The following CEP76 variants were observed in gnomAD, a reference collection of about 807,000 sequenced individuals.
The protein encoded by CEP76 is centrosomal protein 76, also known as centrosomal protein of 76 kDa.
Under a neutral mutation model 83.3 loss-of-function variants are expected in CEP76, and 55 were observed. The ratio of observed to expected loss-of-function variants is 0.66; its 90% CI spans 0.53 to 0.83. The LOEUF is 0.83. Among genes scored for constraint, CEP76 ranks in the 40% least tolerant of loss-of-function variants. The probability of loss-of-function intolerance (pLI) is 0.00; values close to 1 mark genes in which losing one functional copy is unlikely to be tolerated. For missense variants in CEP76, 694 were observed against 799.5 expected, an observed-to-expected ratio of 0.87 and a Z score of 1.59; for synonymous variants, 270 against 274.5, an observed-to-expected ratio of 0.98 and a Z score of 0.16.
chr18:12,673,099 C>A lies in CEP76; in HGVS notation c.*266G>T. The A allele has an allele frequency of 9.7e-7, 1 of 1,030,962 alleles. No individual in the cohort carries two copies. Among genetic ancestry groups the A allele is most frequent in the Non-Finnish European group, 1.2e-6 (1 of 841,554 alleles). 63.9% of individuals were successfully genotyped at this position (1,030,962 alleles called of 1,614,324 possible). A position where few individuals can be genotyped will look rare whatever the true frequency, so the allele number is the denominator to read the frequency against. ...ATATTAATATTTAAACTACTGATAACTGTAAACAAAGTAGCATTTATTAAA... is the reference window on the plus strand; with the variant it reads ...ATATTAATATTTAAACTACTGATAAATGTAAACAAAGTAGCATTTATTAAA... On this transcript the variant is annotated 3_prime_UTR_variant, in exon 12 of 12. Coordinates refer to ENST00000262127, the MANE Select transcript of CEP76 (RefSeq NM_024899.4).
intron 8 of CEP76, among the ~76,000 whole-genome samples, chr18:12,684,049 G>C (rs1181578814): frequency 1.4e-5 from 2 of 148,012 alleles, no homozygotes; most frequent in African/African-American, 4.9e-5. Context: ...TTTTGAGACA[G>C]AGTCTTGCTC....
At chr18:12,685,632 A>C (rs1406157890) in intron 8 of CEP76, 1 of 143,208 alleles carries the variant, frequency 7.0e-6, no homozygotes. Flanking sequence ...CTTATATAAA[A>C]TAGTATTTTT....
chr18:12,692,107 G>C (rs2039784970), intron 6 of CEP76: 1 of 152,180 alleles, frequency 6.6e-6, no homozygotes, highest in African/African-American at 2.4e-5. Context: ...TTTGAGGTCA[G>C]GGGTTCGAGA....
chr18:12,672,906 A>G lies in CEP76; in HGVS notation c.*459T>C. 9.1e-6 allele frequency: 9 copies of G among 984,554 alleles called. No individual in the cohort carries two copies. The highest frequency in any genetic ancestry group is 1.1e-5 in the Non-Finnish European group (9 of 829,002). 61.0% of individuals were successfully genotyped at this position (984,554 alleles called of 1,614,324 possible). ...TGGTAATTCATTAACATTTATTTTC[A>G]CCAATGCAATAAATAAATCTGTCAT... is the stretch of plus-strand genomic sequence containing the variant. On this transcript the variant is annotated 3_prime_UTR_variant, in exon 12 of 12. Transcript: ENST00000262127.
intron 7 of CEP76, among the ~76,000 whole-genome samples, chr18:12,689,069 G>A (rs892050713): frequency 6.6e-6 from 1 of 152,084 alleles, no homozygotes; most frequent in African/African-American, 2.4e-5. Context: ...AGCCAAGATC[G>A]CACCACTGCA....
chr18:12,686,464 G>T lies in CEP76; in HGVS notation c.934-14C>A. 1 of 1,572,208 alleles carries T rather than the reference G, an allele frequency of 6.4e-7. No homozygotes were observed. The highest frequency in any genetic ancestry group is 1.4e-5 in the African/African-American group (1 of 73,628). On this transcript the variant is annotated splice_polypyrimidine_tract_variant and intron_variant, in intron 7 of 11. Coordinates refer to ENST00000262127, the MANE Select transcript of CEP76 (RefSeq NM_024899.4). ...CCCATTTTCATCCTAGGGAAAAGGG[G>T]AAAAACATCTGTAATGACATATTAA...
chr18:12,678,470 G>A lies in CEP76; in HGVS notation c.1290-28C>T. On this transcript the variant is annotated intron_variant, in intron 9 of 11. Transcript: ENST00000262127. ...AAAAAAATTAAATAATTTTATATATGAGAACTTAAAAATTAAAAAGGCAGC... is the reference window on the plus strand; with the variant it reads ...AAAAAAATTAAATAATTTTATATATAAGAACTTAAAAATTAAAAAGGCAGC... The A allele has an allele frequency of 3.4e-6, 5 of 1,463,308 alleles. No homozygotes were observed. The Admixed American group carries it at 8.3e-5, about 24-fold the overall frequency. 90.6% of individuals were successfully genotyped at this position (1,463,308 alleles called of 1,614,324 possible).
rs115201195 is a variant in CEP76, at chr18:12,673,196, G to A, written c.*169C>T. 7,518 of 1,309,286 alleles carry A rather than the reference G, an allele frequency of 5.7e-3. 137 individuals are homozygous for A. The highest frequency in any genetic ancestry group is 0.054 in the African/African-American group (3,504 of 64,830). 81.1% of individuals were successfully genotyped at this position (1,309,286 alleles called of 1,614,324 possible). ...AAGTTTTTCAGCCTTAATTTTTAAAGGAATGCATGATTTTTTTTAAACATT... is the reference window on the plus strand; with the variant it reads ...AAGTTTTTCAGCCTTAATTTTTAAAAGAATGCATGATTTTTTTTAAACATT... On this transcript the variant is annotated 3_prime_UTR_variant, in exon 12 of 12. Transcript: ENST00000262127.
chr18:12,689,460 T>C lies in CEP76; in HGVS notation c.933+1899A>G, dbSNP rs554924517. ...AGACTGTTCACTTCTCTAACCTTCA[T>C]ACTGTTTACAAAAAGAGCCAATGCC... On this transcript the variant is annotated intron_variant, in intron 7 of 11. Transcript: ENST00000262127. Among the ~76,000 whole-genome samples the C allele has an allele frequency of 7.2e-5, 11 of 152,326 alleles. No homozygotes were observed. In the East Asian group the frequency reaches 1.5e-3, roughly 21 times the overall value.
intron 1 of CEP76, among the ~76,000 whole-genome samples, 196 bp from the exon 2 acceptor site, chr18:12,701,309 T>G (rs1399794843): frequency 2.0e-5 from 3 of 152,176 alleles, no homozygotes; most frequent in African/African-American, 7.2e-5. Flanking sequence ...TCTGGCACCT[T>G]TGTTACCATT....
chr18:12,665,399 T>C (rs2038783261), intron 12 of CEP76, among the ~76,000 whole-genome samples: 1 of 152,110 alleles, frequency 6.6e-6, no homozygotes, highest in African/African-American at 2.4e-5. Flanking sequence ...ATATGTATAC[T>C]TGTGCTTTTC....
Position 12,673,099 on chromosome 18 carries a change from C to T in CEP76, c.*266G>A. ...ATATTAATATTTAAACTACTGATAA[C>T]TGTAAACAAAGTAGCATTTATTAAA... On this transcript the variant is annotated 3_prime_UTR_variant, in exon 12 of 12. Transcript: ENST00000262127. 1 of 1,030,962 alleles carries T rather than the reference C, an allele frequency of 9.7e-7. No homozygotes were observed. Among genetic ancestry groups the T allele is most frequent in the South Asian group, 3.6e-5 (1 of 28,142 alleles). The allele number at this position is 1,030,962 out of a possible 1,614,324, so 63.9% of individuals were successfully genotyped here.
At chr18:12,701,991 G>T (rs1214799972) in intron 1 of CEP76, among the ~76,000 whole-genome samples, 1 of 152,160 alleles carries the variant, frequency 6.6e-6, no homozygotes, top group Admixed American at 6.5e-5. Context: ...GCCGAGCGTG[G>T]TGGCGCGCGC....
intron 8 of CEP76, among the ~76,000 whole-genome samples, chr18:12,682,087 C>T (rs543515710): frequency 1.3e-5 from 2 of 152,122 alleles, no homozygotes; most frequent in East Asian, 1.9e-4. Context: ...GTTACAATTT[C>T]GTATTTAAGT....
At chr18:12,680,934 C>T (rs1163980050) in intron 8 of CEP76, 106 bp from the exon 9 acceptor site, 5 of 1,064,926 alleles carry the variant, frequency 4.7e-6, no homozygotes, top group East Asian at 2.7e-5. Flanking sequence ...CACAGTGGCT[C>T]ACGCCTGTAA....
In CEP76 at chr18:12,702,700, C is replaced by T; in HGVS notation, c.-152G>A. ...GCTCCCGGGGGACGCAACGCCGCGT[C>T]AGGCCGGGGGCTGACCTGGAAATGA... On this transcript the variant is annotated 5_prime_UTR_variant, in exon 1 of 12. Coordinates refer to ENST00000262127, the MANE Select transcript of CEP76 (RefSeq NM_024899.4). 1 of 837,616 alleles carries T rather than the reference C, an allele frequency of 1.2e-6. No homozygotes were observed. Among genetic ancestry groups the T allele is most frequent in the Non-Finnish European group, 1.8e-6 (1 of 565,290 alleles). 51.9% of individuals were successfully genotyped at this position (837,616 alleles called of 1,614,324 possible). A position where few individuals can be genotyped will look rare whatever the true frequency, so the allele number is the denominator to read the frequency against.
chr18:12,689,131 TCTTTA>T (rs372130602), intron 7 of CEP76, among the ~76,000 whole-genome samples: 227 of 152,204 alleles, frequency 1.5e-3, no homozygotes, highest in African/African-American at 5.1e-3. Context: ...AAAAAAAAGT[TCTTTA>T]CTTTACTTTC....
chr18:12,686,539 T>C, intron 7 of CEP76, 89 bp from the exon 8 acceptor site: 1 of 966,366 alleles, frequency 1.0e-6, no homozygotes. Context: ...GATAAAATAA[T>C]TCAGCATACC....
chr18:12,700,809 C>A, intron 2 of CEP76, 149 bp downstream of exon 2: 1 of 580,522 alleles, frequency 1.7e-6, no homozygotes, highest in Non-Finnish European at 3.0e-6. Context: ...GCAGAGCTAG[C>A]CTATACTTGA....
Sources: gnomAD v4.1 joint callset for allele counts (sites outside exome capture counted in the v4.1 genomes callset) on GRCh38, gnomAD v4.1.1 for gene constraint, MANE v1.5 for transcripts, NCBI Gene and HGNC (gene_info 2026-07-23, HGNC 2026-07-21) for gene names.